The following FOXP1 variants were observed in gnomAD, a reference collection of about 807,000 sequenced individuals.
The protein encoded by FOXP1 is forkhead box protein P1.
Under a neutral mutation model 98.2 loss-of-function variants are expected in FOXP1, and 15 were observed. The observed-to-expected ratio is 0.15, with a 90% CI of 0.10 to 0.24. The LOEUF is 0.24. Ranked by LOEUF, FOXP1 falls within the 10% of genes least tolerant of loss-of-function variation. The pLI, the probability that FOXP1 is intolerant of heterozygous loss-of-function variation, is 1.00. For synonymous variants in FOXP1, 371 were observed against 314.5 expected, an observed-to-expected ratio of 1.18 and a Z score of -1.90; for missense variants, 633 against 848.5, an observed-to-expected ratio of 0.75 and a Z score of 3.15.
At chr3:71,147,803 G>T (rs1041685249) in intron 6 of FOXP1, among the ~76,000 whole-genome samples, 1 of 151,512 alleles carries the variant, frequency 6.6e-6, no homozygotes, top group African/African-American at 2.4e-5. Context: ...TTTTAAAATA[G>T]TAAAAAAAAA....
At chr3:71,353,668 C>G (rs1357044502) in intron 4 of FOXP1, among the ~76,000 whole-genome samples, 1 of 151,950 alleles carries the variant, frequency 6.6e-6, no homozygotes, top group Non-Finnish European at 1.5e-5. Context: ...CCTAGATAAC[C>G]CTAGTTACTC....
At chr3:71,459,113 C>T (rs2087777850) in intron 3 of FOXP1, among the ~76,000 whole-genome samples, 1 of 152,116 alleles carries the variant, frequency 6.6e-6, no homozygotes, top group Non-Finnish European at 1.5e-5. Flanking sequence ...GGTGACTTTT[C>T]TTGTCAAATG....
intron 3 of FOXP1, among the ~76,000 whole-genome samples, chr3:71,441,859 T>G (rs560093972): frequency 1.3e-5 from 2 of 152,318 alleles, no homozygotes; most frequent in East Asian, 3.9e-4. Flanking sequence ...CCACTCAGAC[T>G]GCAGAAGAAT....
chr3:71,025,479 C>T (rs2045991205), intron 11 of FOXP1, among the ~76,000 whole-genome samples: 1 of 152,082 alleles, frequency 6.6e-6, no homozygotes, highest in African/African-American at 2.4e-5. Flanking sequence ...ACAAGGATGC[C>T]CTCTTTATAA....
intron 4 of FOXP1, among the ~76,000 whole-genome samples, chr3:71,347,854 C>T (rs1202057626): frequency 4.7e-5 from 7 of 150,174 alleles, no homozygotes; most frequent in South Asian, 2.1e-4. Flanking sequence ...CACCGAACTC[C>T]GGCTCAGCAA....
intron 2 of FOXP1, among the ~76,000 whole-genome samples, chr3:71,534,586 T>A (rs1304183073): frequency 6.6e-6 from 1 of 152,254 alleles, no homozygotes. Context: ...AATTAAACTT[T>A]AGTGTGGATA....
At position 70,970,512 on chromosome 3, in the gene FOXP1, A is replaced by T. The variant is rs1364299015; in HGVS notation, c.1722+224T>A. 7.2e-6 allele frequency: 4 copies of T among 552,556 alleles called. No individual in the cohort carries two copies. The African/African-American group carries it at 7.6e-5, about 10-fold the overall frequency. 34.2% of individuals were successfully genotyped at this position (552,556 alleles called of 1,614,324 possible). On this transcript the variant is annotated intron_variant, in intron 19 of 20. Coordinates refer to ENST00000649528, the MANE Select transcript of FOXP1 (RefSeq NM_001349338.3). ...TACTGCTGATAAATATTAATAAGTG[A>T]ACTTTTAATTTTTTTGCCACAATAT...
At chr3:71,267,554 A>C (rs2069821119) in intron 5 of FOXP1, among the ~76,000 whole-genome samples, 3 of 152,248 alleles carry the variant, frequency 2.0e-5, no homozygotes, top group South Asian at 2.1e-4. Flanking sequence ...CGATTGTATA[A>C]GGAAGGACAA....
At chr3:71,069,908 G>A (rs1356791535) in intron 7 of FOXP1, among the ~76,000 whole-genome samples, 1 of 152,146 alleles carries the variant, frequency 6.6e-6, no homozygotes, top group Non-Finnish European at 1.5e-5. Context: ...TGTGCAGCAG[G>A]CCTGCAAAGA....
chr3:71,463,493 C>T (rs2088372965), intron 3 of FOXP1, among the ~76,000 whole-genome samples: 1 of 152,050 alleles, frequency 6.6e-6, no homozygotes, highest in South Asian at 2.1e-4. Context: ...GAAGACATCC[C>T]ACACTAAGGA....
chr3:71,474,584 A>T (rs1393973569), intron 3 of FOXP1, among the ~76,000 whole-genome samples: 1 of 152,122 alleles, frequency 6.6e-6, no homozygotes, highest in East Asian at 1.9e-4. Context: ...CTCCTGTCAC[A>T]TAAGCAGTGG....
Position 71,390,624 on chromosome 3 carries a change from A to G in FOXP1, c.-167-31380T>C, listed in dbSNP as rs921858210. Among the ~76,000 whole-genome samples the G allele has an allele frequency of 2.6e-5, 4 of 152,146 alleles. No individual in the cohort carries two copies. In the East Asian group the frequency reaches 7.7e-4, roughly 29 times the overall value. On this transcript the variant is annotated intron_variant, in intron 3 of 20. Transcript: ENST00000649528. Reference sequence around the variant, plus strand: ...CAGTCAAGAATTCTATAGGAAGAGAAAAACAATCCAAGTCTCCAAAAAGCG... The same window carrying G: ...CAGTCAAGAATTCTATAGGAAGAGAGAAACAATCCAAGTCTCCAAAAAGCG...
rs904203848 is a variant in FOXP1, at chr3:71,203,317, C to T, written c.-11-4925G>A. Reference sequence around the variant, plus strand: ...GGAAACATTACAGAGCTACTGACTTCAAAGGTTCGATTTTTGTGCTGGAGG... The same window carrying T: ...GGAAACATTACAGAGCTACTGACTTTAAAGGTTCGATTTTTGTGCTGGAGG... On this transcript the variant is annotated intron_variant, in intron 5 of 20. Coordinates refer to ENST00000649528, the MANE Select transcript of FOXP1 (RefSeq NM_001349338.3). 6.6e-5 allele frequency among the ~76,000 whole-genome samples: 10 copies of T among 152,138 alleles called. No individual in the cohort carries two copies. In the East Asian group the frequency reaches 1.9e-3, roughly 29 times the overall value.
chr3:71,382,988 T>C (rs6549387), intron 3 of FOXP1, among the ~76,000 whole-genome samples: 15,645 of 152,168 alleles, frequency 0.1, 928 homozygotes, highest in African/African-American at 0.15. Context: ...ACTTGAAAAA[T>C]AACCAATAAG....
intron 6 of FOXP1, among the ~76,000 whole-genome samples, chr3:71,187,356 C>G (rs945003117): frequency 6.6e-6 from 1 of 152,074 alleles, no homozygotes; most frequent in Non-Finnish European, 1.5e-5. Context: ...GAGGCTGAGG[C>G]GGGTGGATCA....
chr3:71,331,384 C>CCCCCT (rs2076293936), intron 4 of FOXP1, among the ~76,000 whole-genome samples: 1 of 152,032 alleles, frequency 6.6e-6, no homozygotes, highest in African/African-American at 2.4e-5. Context: ...CCCCACCCCC[C>CCCCCT]GCCATGGGCT....
rs555894103 is a variant in FOXP1, at chr3:71,227,401, C to T, written c.-11-29009G>A. Among the ~76,000 whole-genome samples the T allele has an allele frequency of 2.8e-4, 43 of 152,266 alleles. No homozygotes were observed. The South Asian group carries it at 8.7e-3, about 31-fold the overall frequency. On this transcript the variant is annotated intron_variant, in intron 5 of 20. Coordinates refer to ENST00000649528, the MANE Select transcript of FOXP1 (RefSeq NM_001349338.3). ...GTCAAAACAAATTGAAAACACTCTC[C>T]CGCCAAAGAAACCCCCCAGAAAACT...
intron 6 of FOXP1, among the ~76,000 whole-genome samples, chr3:71,153,580 C>T (rs1576070381): frequency 6.6e-6 from 1 of 151,108 alleles, no homozygotes; most frequent in East Asian, 1.9e-4. Context: ...TACATCAATG[C>T]CTTCTAATCC....
At chr3:71,431,920 C>G (rs892576290) in intron 3 of FOXP1, among the ~76,000 whole-genome samples, 50 of 152,190 alleles carry the variant, frequency 3.3e-4, no homozygotes, top group African/African-American at 1.1e-3. Flanking sequence ...ATTTAAACAC[C>G]ATCATATGTG....
Sources: allele counts gnomAD v4.1 joint callset (sites outside exome capture counted in the v4.1 genomes callset), GRCh38; gene constraint gnomAD v4.1.1; transcripts MANE v1.5; gene names NCBI Gene and HGNC (gene_info 2026-07-23, HGNC 2026-07-21).